The following GSE1 variants were observed in gnomAD, a reference collection of about 807,000 sequenced individuals.
GSE1 encodes the protein Gse1 coiled-coil protein.
A neutral mutation model predicts 112.6 loss-of-function variants in GSE1; 32 were observed. The observed-to-expected ratio is 0.28, with a 90% CI of 0.21 to 0.38. The LOEUF (loss-of-function observed/expected upper bound fraction) is 0.38. Among genes scored for constraint, GSE1 ranks in the 10% least tolerant of loss-of-function variants. The pLI is 1.00. For missense variants in GSE1, 2,348 were observed against 1,699.2 expected, an observed-to-expected ratio of 1.38 and a Z score of -6.71; for synonymous variants, 1,115 against 735.6, an observed-to-expected ratio of 1.52 and a Z score of -8.35.
intron 1 of GSE1, among the ~76,000 whole-genome samples, chr16:85,277,606 A>T (rs1480725223): frequency 6.6e-6 from 1 of 152,162 alleles, no homozygotes; most frequent in South Asian, 2.1e-4. Flanking sequence ...CAGGTGCCTC[A>T]TCCAGCCCAA....
chr16:85,365,551 C>G (rs1009150824), intron 2 of GSE1, among the ~76,000 whole-genome samples: 2 of 152,308 alleles, frequency 1.3e-5, no homozygotes, highest in South Asian at 4.1e-4. Context: ...CTGAGGATCT[C>G]TTGGAGCTTG....
chr16:85,397,308 C>A (rs550807370), intron 2 of GSE1, among the ~76,000 whole-genome samples: 1 of 152,350 alleles, frequency 6.6e-6, no homozygotes, highest in East Asian at 1.9e-4. Flanking sequence ...GGCACTCAGG[C>A]TGCGACCCCC....
intron 1 of GSE1, among the ~76,000 whole-genome samples, chr16:85,275,293 C>T (rs1051413506): frequency 5.9e-5 from 9 of 152,158 alleles, no homozygotes; most frequent in African/African-American, 9.7e-5. Context: ...TCCTCCACAC[C>T]GAAGGAAGGA....
chr16:85,638,482 T>A (rs1380575558), intron 2 of GSE1, among the ~76,000 whole-genome samples: 3 of 152,174 alleles, frequency 2.0e-5, no homozygotes, highest in Non-Finnish European at 4.4e-5. Flanking sequence ...GCACTTTCCT[T>A]CCTTGCTGTG....
chr16:85,500,059 C>T (rs1259680059), intron 2 of GSE1, among the ~76,000 whole-genome samples: 1 of 152,144 alleles, frequency 6.6e-6, no homozygotes, highest in Non-Finnish European at 1.5e-5. Flanking sequence ...ATCATGAGAC[C>T]ACCCTAAACA....
rs568057937 is a variant in GSE1 at position 85,477,241 on chromosome 16, G to C, written c.2464+119598G>C. 1.4e-4 allele frequency among the ~76,000 whole-genome samples: 21 copies of C among 152,302 alleles called. No homozygotes were observed. The South Asian group carries it at 3.5e-3, about 26-fold the overall frequency. On this transcript the variant is annotated intron_variant, in intron 2 of 2. Coordinates refer to the GSE1 transcript ENST00000637419. Reference sequence around the variant, plus strand: ...CTTGCTGAGTTGGAGCTGACCCCGGGGGGCACTGGGTGGGCTTTGGCTCCA... The same window carrying C: ...CTTGCTGAGTTGGAGCTGACCCCGGCGGGCACTGGGTGGGCTTTGGCTCCA...
chr16:85,337,084 C>T (rs989435843), intron 1 of GSE1, among the ~76,000 whole-genome samples: 31 of 152,182 alleles, frequency 2.0e-4, no homozygotes, highest in African/African-American at 7.0e-4. Context: ...CCCCCAGCAT[C>T]GAGGGGCTGG....
intron 2 of GSE1, among the ~76,000 whole-genome samples, chr16:85,475,416 C>G (rs567144898): frequency 6.6e-6 from 1 of 152,226 alleles, no homozygotes; most frequent in Non-Finnish European, 1.5e-5. Flanking sequence ...CCGTGTTTGT[C>G]CTGTAGAGGC....
chr16:85,661,430 A>C lies in GSE1; in HGVS notation c.1925A>C (p.Glu642Ala). Residue 642 changes from glutamate to alanine, a missense_variant, in exon 9 of 16, where the codon GAG becomes GCG. By Grantham distance (107) the Glu-to-Ala change is moderately radical. Transcript: ENST00000253458. ...GCAGAGGAGGGGCCACGGAAGCGTGAGCCTGCCCCTCTGGACAAGTACCAG... is the reference window on the plus strand; with the variant it reads ...GCAGAGGAGGGGCCACGGAAGCGTGCGCCTGCCCCTCTGGACAAGTACCAG... ...EKAEEGPRKR[E>A]PAPLDKYQPP... The C allele has an allele frequency of 6.2e-7, 1 of 1,612,092 alleles. No homozygotes were observed. The highest frequency in any genetic ancestry group is 8.5e-7 in the Non-Finnish European group (1 of 1,179,602).
intron 1 of GSE1, among the ~76,000 whole-genome samples, chr16:85,320,467 T>TGTTTC (rs1263761584): frequency 1.3e-5 from 2 of 151,910 alleles, no homozygotes; most frequent in East Asian, 3.9e-4. Flanking sequence ...TGTTTTGTTT[T>TGTTTC]GTTTTTTTGT....
At chr16:85,460,780 C>CTT (rs2049947672) in intron 2 of GSE1, among the ~76,000 whole-genome samples, 1 of 140,496 alleles carries the variant, frequency 7.1e-6, no homozygotes, top group Non-Finnish European at 1.5e-5. Flanking sequence ...AAGAACGTCC[C>CTT]ATAACCAGGG....
chr16:85,411,507 C>T lies in GSE1; in HGVS notation c.2464+53864C>T, dbSNP rs1274459329. 4.2e-5 allele frequency among the ~76,000 whole-genome samples: 2 copies of T among 47,778 alleles called. 1 individual carries two copies. The highest frequency in any genetic ancestry group is 4.5e-4 in the Admixed American group (2 of 4,490). 31.3% of individuals were successfully genotyped at this position (47,778 alleles called of 152,430 possible). The stretch of plus-strand genomic sequence containing the variant: ...GATAATCCTCACCGTTACACTCAGG[C>T]CCCCCGGATAATCCTCACCGTTACA... On this transcript the variant is annotated intron_variant, in intron 2 of 2. Transcript: ENST00000637419.
rs1567734115 is a variant in GSE1, at chr16:85,655,818, T to G, written c.890T>G (p.Met297Arg). ...CTGCCCCCACTGCACCCATCAGCGATGCACCTGCACCTCTCTGGGGTCCGC... is the reference window on the plus strand; with the variant it reads ...CTGCCCCCACTGCACCCATCAGCGAGGCACCTGCACCTCTCTGGGGTCCGC... ...GSLPPLHPSA[M>R]HLHLSGVRYP... is the part of the protein sequence containing the mutation. Residue 297 changes from methionine (M) to arginine (R), a missense_variant, in exon 6 of 16, where the codon ATG becomes AGG. Transcript: ENST00000253458. The G allele has an allele frequency of 6.2e-7, 1 of 1,602,708 alleles. No individual in the cohort carries two copies. The highest frequency in any genetic ancestry group is 8.5e-7 in the Non-Finnish European group (1 of 1,171,798).
intron 1 of GSE1, among the ~76,000 whole-genome samples, chr16:85,334,395 T>C (rs1239569883): frequency 6.6e-6 from 1 of 152,226 alleles, no homozygotes; most frequent in African/African-American, 2.4e-5. Context: ...CTGGGGTTGC[T>C]GGAGTCACCA....
intron 2 of GSE1, among the ~76,000 whole-genome samples, chr16:85,503,596 C>G (rs948393609): frequency 6.6e-6 from 1 of 152,178 alleles, no homozygotes; most frequent in Non-Finnish European, 1.5e-5. Flanking sequence ...AACACCGCAG[C>G]GACCCAAATT....
chr16:85,555,900 T>G, upstream of GSE1: 1 of 844,346 alleles, frequency 1.2e-6, no homozygotes, highest in Non-Finnish European at 1.4e-6. Context: ...CTCCCCCCTT[T>G]ATTTTTCTCT....
rs765179456 is a variant in GSE1, at chr16:85,471,315, C to T, written c.2464+113672C>T. 7.8e-4 allele frequency among the ~76,000 whole-genome samples: 119 copies of T among 152,248 alleles called. 1 individual carries two copies. The highest frequency in any genetic ancestry group is 2.4e-4 in the Non-Finnish European group (16 of 68,036). On this transcript the variant is annotated intron_variant, in intron 2 of 2. Coordinates refer to the GSE1 transcript ENST00000637419. ...TCATGTGAGGATTTCGTAGCTCCAA[C>T]CTCATTTAGTCACAGTTTAAGATGA... is the stretch of plus-strand genomic sequence containing the variant.
intron 1 of GSE1, among the ~76,000 whole-genome samples, chr16:85,246,502 C>T (rs7198779): frequency 4.4e-5 from 2 of 45,738 alleles, no homozygotes; most frequent in African/African-American, 1.0e-4. Context: ...CTCTACACAC[C>T]CCCCCCCCCC....
intron 1 of GSE1, among the ~76,000 whole-genome samples, chr16:85,584,241 C>G (rs887768473): frequency 1.9e-4 from 29 of 152,252 alleles, no homozygotes; most frequent in African/African-American, 6.3e-4. Context: ...CCCTGGCTCC[C>G]CTCTTTTTGG....
Sources: gnomAD v4.1 joint callset for allele counts (sites outside exome capture counted in the v4.1 genomes callset) on GRCh38, gnomAD v4.1.1 for gene constraint, MANE v1.5 for transcripts, NCBI Gene and HGNC (gene_info 2026-07-23, HGNC 2026-07-21) for gene names.